ZFAT: variants seen among roughly 807,000 people sequenced by gnomAD.
The protein encoded by ZFAT is zinc finger and AT-hook domain containing.
ZFAT carries 64 observed loss-of-function variants against 117.7 expected under a neutral mutation model. The observed-to-expected ratio is 0.54, with a 90% CI of 0.44 to 0.67. The LOEUF is 0.67. Ranked by LOEUF, ZFAT falls within the 30% of genes least tolerant of loss-of-function variation. The pLI is 0.00. For missense variants in ZFAT, 1,433 were observed against 1,584.5 expected (o/e 0.90, Z 1.62); for synonymous variants, 679 against 615.0 (o/e 1.10, Z -1.54).
chr8:134,734,487 G>A, the ZFAT span, among the ~76,000 whole-genome samples: 1 of 152,206 alleles, frequency 6.6e-6, no homozygotes. Flanking sequence ...TTAAAAAGTA[G>A]TCATAGTGTG....
At chr8:134,507,527 G>A (rs927922857) in intron 15 of ZFAT, among the ~76,000 whole-genome samples, 5 of 152,178 alleles carry the variant, frequency 3.3e-5, no homozygotes, top group African/African-American at 1.2e-4. Context: ...TGCTGTGTTT[G>A]CAATAAGAAA....
intron 1 of ZFAT, chr8:134,696,308 G>A: frequency 1.1e-6 from 1 of 904,150 alleles, no homozygotes; most frequent in Non-Finnish European, 1.3e-6. Flanking sequence ...CTGCAAAGCA[G>A]TACAGCGTTC....
At chr8:134,676,718 C>T (rs1437707783) in intron 1 of ZFAT, among the ~76,000 whole-genome samples, 3 of 152,074 alleles carry the variant, frequency 2.0e-5, no homozygotes, top group African/African-American at 7.2e-5. Context: ...TCAGCAAATG[C>T]AAAAGAACGG....
chr8:134,506,104 C>T (rs1819384553), intron 15 of ZFAT, among the ~76,000 whole-genome samples: 1 of 152,180 alleles, frequency 6.6e-6, no homozygotes, highest in African/African-American at 2.4e-5. Context: ...AATTTTGACT[C>T]AGAGATGCTC....
the ZFAT span, among the ~76,000 whole-genome samples, chr8:134,763,756 C>T: frequency 6.6e-6 from 1 of 152,110 alleles, no homozygotes; most frequent in African/African-American, 2.4e-5. Flanking sequence ...CGCAACTATC[C>T]GAGTCAGGTA....
intron 3 of ZFAT, among the ~76,000 whole-genome samples, chr8:134,632,087 T>C (rs1418473059): frequency 1.3e-5 from 2 of 152,300 alleles, no homozygotes; most frequent in East Asian, 3.9e-4. Flanking sequence ...GGGTTTGAAC[T>C]GCAAGGGGAA....
At chr8:134,499,655 C>T (rs1818813779) in intron 15 of ZFAT, among the ~76,000 whole-genome samples, 1 of 152,222 alleles carries the variant, frequency 6.6e-6, no homozygotes, top group East Asian at 1.9e-4. Context: ...GCTGGTTACA[C>T]ACAGAGCCTG....
intron 12 of ZFAT, among the ~76,000 whole-genome samples, chr8:134,529,040 C>T (rs913896801): frequency 6.6e-6 from 1 of 152,194 alleles, no homozygotes; most frequent in Non-Finnish European, 1.5e-5. Flanking sequence ...TTTGCAACTG[C>T]TGTGGAGGTA....
At chr8:134,596,803 T>C (rs1457669770) in intron 7 of ZFAT, among the ~76,000 whole-genome samples, 2 of 152,028 alleles carry the variant, frequency 1.3e-5, no homozygotes, top group East Asian at 3.8e-4. Flanking sequence ...TCATATGAAA[T>C]GAAAGAAATT....
At chr8:134,656,271 A>G (rs1488850951) in intron 2 of ZFAT, among the ~76,000 whole-genome samples, 3 of 152,138 alleles carry the variant, frequency 2.0e-5, no homozygotes, top group African/African-American at 7.2e-5. Flanking sequence ...GTTGAGACGC[A>G]ATTACACATA....
At chr8:134,499,775 G>C (rs1392344536) in intron 15 of ZFAT, among the ~76,000 whole-genome samples, 1 of 152,254 alleles carries the variant, frequency 6.6e-6, no homozygotes, top group Non-Finnish European at 1.5e-5. Flanking sequence ...CTTAACTGAA[G>C]GCGGTAAGGC....
chr8:134,819,508 C>CG, the ZFAT span, among the ~76,000 whole-genome samples: 1 of 103,158 alleles, frequency 9.7e-6, no homozygotes, highest in Non-Finnish European at 2.0e-5. Flanking sequence ...CCCCCCCCCC[C>CG]GCCCCCCAAC....
At chr8:134,653,085 T>C (rs1355847464) in intron 2 of ZFAT, among the ~76,000 whole-genome samples, 1 of 151,314 alleles carries the variant, frequency 6.6e-6, no homozygotes. Flanking sequence ...TAAAAAAAAT[T>C]AGGACATACA....
chr8:134,649,047 A>G (rs966197300), intron 2 of ZFAT, among the ~76,000 whole-genome samples: 9 of 152,064 alleles, frequency 5.9e-5, no homozygotes, highest in African/African-American at 1.9e-4. Context: ...TCATCTCAAC[A>G]AACTCAGAAA....
At position 134,602,780 on chromosome 8, in the gene ZFAT, G is replaced by T. The variant is rs1454443214; in HGVS notation, c.939C>A (p.Asn313Lys). ...QCSYASAIKANLNVHLRKHTG... is the reference protein window; with the variant it reads ...QCSYASAIKAKLNVHLRKHTG... ...TGTGCTTGCGCAGGTGCACATTGAGGTTGGCCTTGATGGCACTGGCATAGC... is the reference window on the plus strand; with the variant it reads ...TGTGCTTGCGCAGGTGCACATTGAGTTTGGCCTTGATGGCACTGGCATAGC... The change falls in exon 6 of 16, where the codon AAC becomes AAA. Residue 313 changes from asparagine (N) to lysine (K), a missense_variant. Asn to Lys is a moderately conservative substitution (Grantham distance 94). This residue lies in a region of ZFAT where 436 missense variants were observed against 482.0 expected (regional missense o/e 0.90). Coordinates refer to ENST00000377838, the MANE Select transcript of ZFAT (RefSeq NM_020863.4). The T allele has an allele frequency of 6.2e-7, 1 of 1,614,230 alleles. No homozygotes were observed.
chr8:134,691,640 T>C (rs1833593429), intron 1 of ZFAT, among the ~76,000 whole-genome samples: 1 of 152,216 alleles, frequency 6.6e-6, no homozygotes, highest in Non-Finnish European at 1.5e-5. Flanking sequence ...AGAGAGACTT[T>C]TCGTAAATCC....
At chr8:134,702,003 T>A (rs1385986388) in intron 1 of ZFAT, among the ~76,000 whole-genome samples, 2 of 151,982 alleles carry the variant, frequency 1.3e-5, no homozygotes, top group Admixed American at 1.3e-4. Context: ...ATGATGGGAG[T>A]AGAACTGGTG....
chr8:134,590,278 G>A lies in ZFAT; in HGVS notation c.2553C>T (p.Thr851=). ...AATGCACAACCTTACCAGGATGGTT[G>A]GTCTTGATATGTGACTTTATCAATC... The part of the protein sequence containing the change: ...EDRLIKSHIK[T]NHPEVSMSTI... The change falls in exon 8 of 16, where the codon ACC becomes ACT. Residue 851 remains threonine (T), a synonymous_variant. Coordinates refer to ENST00000377838, the MANE Select transcript of ZFAT (RefSeq NM_020863.4). 1 of 1,612,038 alleles carries A rather than the reference G, an allele frequency of 6.2e-7. No homozygotes were observed.
upstream of ZFAT, among the ~76,000 whole-genome samples, chr8:134,713,268 G>A (rs1033114610): frequency 9.9e-5 from 15 of 152,240 alleles, no homozygotes; most frequent in African/African-American, 3.6e-4. Context: ...CAGGAGTCTG[G>A]CGGTTGTGCC....
Sources: gnomAD v4.1 joint callset for allele counts (sites outside exome capture counted in the v4.1 genomes callset) on GRCh38, gnomAD v4.1.1 for gene constraint, gnomAD v4.1.1 regional missense constraint, MANE v1.5 for transcripts, NCBI Gene and HGNC (gene_info 2026-07-23, HGNC 2026-07-21) for gene names.